BANP: variants seen among roughly 807,000 people sequenced by gnomAD.
BANP encodes the protein BTG3 associated nuclear protein.
In BANP, 11 loss-of-function variants were observed where a neutral mutation model predicts 68.1. That is an observed-to-expected ratio of 0.16 (90% CI 0.10 to 0.27). The LOEUF (loss-of-function observed/expected upper bound fraction) is 0.27, where lower values mean the gene tolerates loss of function less well. Ranked by LOEUF, BANP falls within the 10% of genes least tolerant of loss-of-function variation. The probability of loss-of-function intolerance (pLI) is 1.00; values close to 1 mark genes in which losing one functional copy is unlikely to be tolerated. For synonymous variants in BANP, 329 were observed against 303.2 expected (o/e 1.09, Z -0.88); for missense variants, 504 against 722.7 (o/e 0.70, Z 3.47).
chr16:87,965,501 G>A (rs1381091418), intron 1 of BANP, among the ~76,000 whole-genome samples: 1 of 152,016 alleles, frequency 6.6e-6, no homozygotes, highest in Non-Finnish European at 1.5e-5. Flanking sequence ...GCACATGCCC[G>A]AGGAGGCAGG....
chr16:88,049,107 C>G (rs1226055031), intron 11 of BANP, among the ~76,000 whole-genome samples: 2 of 152,082 alleles, frequency 1.3e-5, no homozygotes, highest in Admixed American at 1.3e-4. Context: ...TCCTCTAATT[C>G]AGTTCTGACA....
chr16:88,038,804 C>T (rs1403766700), intron 11 of BANP, among the ~76,000 whole-genome samples: 1 of 152,188 alleles, frequency 6.6e-6, no homozygotes, highest in Non-Finnish European at 1.5e-5. Context: ...CAGGAGATGG[C>T]TGTCACCTCT....
At chr16:88,015,758 T>G (rs954789602) in intron 6 of BANP, among the ~76,000 whole-genome samples, 3 of 152,264 alleles carry the variant, frequency 2.0e-5, no homozygotes, top group Non-Finnish European at 2.9e-5. Context: ...ACTCAGGTAC[T>G]CAGGTGCTCT....
At chr16:87,985,178 CTG>C (rs1049112356) in intron 4 of BANP, among the ~76,000 whole-genome samples, 2 of 152,166 alleles carry the variant, frequency 1.3e-5, no homozygotes, top group Non-Finnish European at 2.9e-5. Context: ...TGTGGGAAGT[CTG>C]GGGGCAGCTC....
intron 4 of BANP, among the ~76,000 whole-genome samples, chr16:87,993,461 G>C (rs2066399051): frequency 6.6e-6 from 1 of 152,214 alleles, no homozygotes; most frequent in Non-Finnish European, 1.5e-5. Flanking sequence ...CTCTGGGTTA[G>C]AATCTAGTTC....
chr16:87,968,525 C>T (rs2060529421), intron 1 of BANP, among the ~76,000 whole-genome samples: 1 of 150,512 alleles, frequency 6.6e-6, no homozygotes. Flanking sequence ...CTTTAATAAT[C>T]TTTGCTTCTG....
chr16:88,068,137 C>T (rs928896295), intron 12 of BANP, among the ~76,000 whole-genome samples: 1 of 152,240 alleles, frequency 6.6e-6, no homozygotes, highest in Non-Finnish European at 1.5e-5. Flanking sequence ...AGGTGGAAAG[C>T]GTCGTGCACT....
intron 4 of BANP, among the ~76,000 whole-genome samples, chr16:87,990,862 A>ACGC (rs1399617900): frequency 1.3e-5 from 2 of 152,098 alleles, no homozygotes; most frequent in Non-Finnish European, 2.9e-5. Flanking sequence ...TCCCAGGTTC[A>ACGC]CGCCATTCTC....
intron 8 of BANP, among the ~76,000 whole-genome samples, chr16:88,031,699 A>T (rs1325203128): frequency 2.0e-5 from 3 of 152,146 alleles, no homozygotes; most frequent in Non-Finnish European, 4.4e-5. Context: ...TAAAAAATGT[A>T]TTCAGTGGAA....
At chr16:88,028,111 T>C (rs1293810631) in intron 8 of BANP, among the ~76,000 whole-genome samples, 1 of 152,252 alleles carries the variant, frequency 6.6e-6, no homozygotes, top group South Asian at 2.1e-4. Flanking sequence ...CAGGCATCGC[T>C]GGGGGGATTG....
At chr16:88,025,973 C>T (rs566525059) in intron 7 of BANP, among the ~76,000 whole-genome samples, 3 of 152,340 alleles carry the variant, frequency 2.0e-5, no homozygotes, top group Non-Finnish European at 4.4e-5. Context: ...CATTCGTCAT[C>T]GCTACAGGGA....
intron 11 of BANP, among the ~76,000 whole-genome samples, chr16:88,060,704 C>T (rs978112302): frequency 8.6e-5 from 13 of 151,986 alleles, no homozygotes; most frequent in South Asian, 6.2e-4. Context: ...CTCAGCCCCT[C>T]GAGGTGTGAA....
chr16:87,963,237 C>T (rs866718362), intron 1 of BANP: 13 of 152,408 alleles, frequency 8.5e-5, no homozygotes, highest in African/African-American at 3.1e-4. Flanking sequence ...ACTTTACTGT[C>T]TCAAGCGTCT....
intron 11 of BANP, among the ~76,000 whole-genome samples, chr16:88,054,664 C>G (rs1017896866): frequency 6.6e-6 from 1 of 152,242 alleles, no homozygotes; most frequent in Non-Finnish European, 1.5e-5. Context: ...TCTAATCTAT[C>G]TACTTATTGG....
chr16:88,047,639 G>A (rs1437145529), intron 11 of BANP, among the ~76,000 whole-genome samples: 1 of 152,148 alleles, frequency 6.6e-6, no homozygotes, highest in Admixed American at 6.5e-5. Flanking sequence ...GGGCCTCACT[G>A]GAGTCTGATG....
chr16:87,974,513 T>G (rs1024032854), intron 1 of BANP, among the ~76,000 whole-genome samples: 1 of 151,994 alleles, frequency 6.6e-6, no homozygotes, highest in African/African-American at 2.4e-5. Flanking sequence ...GCCGGGCCTG[T>G]GGGGTAGCAG....
At chr16:87,979,902 C>G (rs2062930963) in intron 2 of BANP, among the ~76,000 whole-genome samples, 1 of 152,048 alleles carries the variant, frequency 6.6e-6, no homozygotes, top group Non-Finnish European at 1.5e-5. Flanking sequence ...TTGAGTCCAG[C>G]CTGGGTGACA....
chr16:88,031,272 A>C (rs368310814), intron 8 of BANP, among the ~76,000 whole-genome samples: 1 of 152,182 alleles, frequency 6.6e-6, no homozygotes, highest in East Asian at 1.9e-4. Context: ...GGCTTGTTGA[A>C]TCTCCTTTGA....
intron 11 of BANP, among the ~76,000 whole-genome samples, chr16:88,038,968 C>CT (rs1369004821): frequency 3.3e-5 from 5 of 152,236 alleles, no homozygotes; most frequent in Admixed American, 3.3e-4. Flanking sequence ...TGCATGCGTT[C>CT]TCTTTGTCAA....
Sources: gnomAD v4.1 joint callset for allele counts (sites outside exome capture counted in the v4.1 genomes callset) on GRCh38, gnomAD v4.1.1 for gene constraint, MANE v1.5 for transcripts, NCBI Gene and HGNC (gene_info 2026-07-23, HGNC 2026-07-21) for gene names.